INTS7: variants seen among roughly 807,000 people sequenced by gnomAD.
INTS7 encodes the protein chromosome 1 open reading frame 73.
Under a neutral mutation model 109.2 loss-of-function variants are expected in INTS7, and 46 were observed. That is an observed-to-expected ratio of 0.42 (90% CI 0.33 to 0.54). The LOEUF (loss-of-function observed/expected upper bound fraction) is 0.54. Among genes scored for constraint, INTS7 ranks in the 20% least tolerant of loss-of-function variants. INTS7 has a pLI of 0.07. For synonymous variants in INTS7, 412 were observed against 402.9 expected (o/e 1.02, Z -0.27); for missense variants, 929 against 1,132.4 (o/e 0.82, Z 2.58).
intron 7 of INTS7, among the ~76,000 whole-genome samples, chr1:211,988,390 C>A (rs1280859095): frequency 2.0e-5 from 3 of 151,254 alleles, no homozygotes; most frequent in Non-Finnish European, 4.4e-5. Flanking sequence ...CCACTGCACT[C>A]CAGCCTGGGG....
chr1:211,947,053 A>G (rs927741259), intron 17 of INTS7, among the ~76,000 whole-genome samples: 5 of 152,222 alleles, frequency 3.3e-5, no homozygotes, highest in African/African-American at 1.2e-4. Flanking sequence ...TAACTATCAC[A>G]TGGCAAAGTA....
At chr1:211,992,224 C>T (rs1169067228) in intron 7 of INTS7, among the ~76,000 whole-genome samples, 4 of 151,972 alleles carry the variant, frequency 2.6e-5, no homozygotes, top group African/African-American at 9.7e-5. Flanking sequence ...GAACTATGTT[C>T]TATATTTATA....
At chr1:212,005,556 TAAG>T (rs1210881610) in intron 7 of INTS7, among the ~76,000 whole-genome samples, 1 of 152,184 alleles carries the variant, frequency 6.6e-6, no homozygotes, top group Non-Finnish European at 1.5e-5. Context: ...TATCTCACAA[TAAG>T]AAAAAAATGA....
At chr1:212,023,756 T>C (rs1571916652) in intron 1 of INTS7, among the ~76,000 whole-genome samples, 1 of 152,354 alleles carries the variant, frequency 6.6e-6, no homozygotes, top group East Asian at 1.9e-4. Flanking sequence ...TAGGTCCCAC[T>C]TGTCCATTTT....
intron 13 of INTS7, among the ~76,000 whole-genome samples, chr1:211,974,276 A>AATATAT (rs58474002): frequency 8.9e-4 from 82 of 92,334 alleles, no homozygotes; most frequent in East Asian, 3.1e-3. Context: ...AGAAAAAAAA[A>AATATAT]ATATATATAT....
rs746811976 is a variant in INTS7, at chr1:211,941,922, G to C, written c.2791C>G (p.Leu931Val). ...ATTTGCTGGGAATAAGGGTCTTCCA[G>C]GGATTTTACAAATATGGTAGTTCTG... Reference protein sequence around the residue: ...GPRTTIFVKSLEDPYSQQIRL... With the variant: ...GPRTTIFVKSVEDPYSQQIRL... The change falls in exon 20 of 20, where the codon CTG becomes GTG. Residue 931 changes from leucine to valine, a missense_variant. Coordinates refer to ENST00000366994, the MANE Select transcript of INTS7 (RefSeq NM_015434.4). The C allele has an allele frequency of 1.9e-6, 3 of 1,614,056 alleles. No homozygotes were observed. Among genetic ancestry groups the C allele is most frequent in the Non-Finnish European group, 2.5e-6 (3 of 1,180,046 alleles).
In INTS7 at chr1:211,976,660, C is replaced by T; in HGVS notation, c.1530G>A (p.Lys510=). The T allele has an allele frequency of 6.2e-7, 1 of 1,613,856 alleles. No individual in the cohort carries two copies. Among genetic ancestry groups the T allele is most frequent in the South Asian group, 1.1e-5 (1 of 91,076 alleles). The change falls in exon 12 of 20, where the codon AAG becomes AAA. Residue 510 remains lysine, a synonymous_variant. Coordinates refer to ENST00000366994, the MANE Select transcript of INTS7 (RefSeq NM_015434.4). ...TTTCAAGCTGCTGCTTAATTACTGC[C>T]TTACTTTCCACAGACAATGCCTTCT... ...ASQKALSVES[K]AVIKQQLESV...
At chr1:211,947,385 A>C (rs993952501) in intron 17 of INTS7, among the ~76,000 whole-genome samples, 1 of 152,224 alleles carries the variant, frequency 6.6e-6, no homozygotes, top group Non-Finnish European at 1.5e-5. Flanking sequence ...TTAAGCGTTC[A>C]AAGATATTTT....
intron 19 of INTS7, among the ~76,000 whole-genome samples, chr1:211,943,487 T>C (rs776131624): frequency 1.2e-4 from 19 of 152,324 alleles, no homozygotes; most frequent in Non-Finnish European, 2.6e-4. Context: ...TGACAGCAGA[T>C]ACCCAATTTT....
At chr1:212,017,106 T>G in intron 3 of INTS7, 83 bp from the exon 4 acceptor site, 1 of 1,105,278 alleles carries the variant, frequency 9.0e-7, no homozygotes, top group Non-Finnish European at 1.3e-6. Flanking sequence ...AAAGTCAGAT[T>G]ATCAAAACTA....
rs1666166856 is a variant in INTS7 at position 212,011,533 on chromosome 1, G to A, written c.510-112C>T. The A allele has an allele frequency of 7.2e-6, 5 of 690,534 alleles. No homozygotes were observed. In the Admixed American group the frequency reaches 1.4e-4, roughly 20 times the overall value. 42.8% of individuals were successfully genotyped at this position (690,534 alleles called of 1,614,324 possible). A position where few individuals can be genotyped will look rare whatever the true frequency, so the allele number is the denominator to read the frequency against. ...CAGAAGAAATACAATATTCCAAACT[G>A]CAACTAATATTCCAAGGTCAGGTGC... On this transcript the variant is annotated intron_variant, in intron 4 of 19. Transcript: ENST00000366994.
chr1:211,981,305 G>T, intron 9 of INTS7, 115 bp from the exon 10 acceptor site: 1 of 565,798 alleles, frequency 1.8e-6, no homozygotes, highest in East Asian at 3.0e-5. Context: ...AAGATATAGG[G>T]AATTATTAAA....
At chr1:212,008,412 G>A (rs1331606121) in intron 5 of INTS7, among the ~76,000 whole-genome samples, 4 of 151,930 alleles carry the variant, frequency 2.6e-5, no homozygotes, top group Non-Finnish European at 5.9e-5. Context: ...CTCTTTCTCT[G>A]GCTGTTCCTT....
At position 211,975,107 on chromosome 1, in the gene INTS7, AG is replaced by A. The variant is rs570595072; in HGVS notation, c.1815+58del. ...AGTTGAAATAGGACAATCCAAAAAG[AG>A]AAGGGAGAGAACTCTCACATAAATC... is the stretch of plus-strand genomic sequence containing the variant. On this transcript the variant is annotated intron_variant, in intron 13 of 19. Transcript: ENST00000366994. 115 of 1,193,080 alleles carry A rather than the reference AG, an allele frequency of 9.6e-5. No homozygotes were observed. In the East Asian group the frequency reaches 2.2e-3, roughly 22 times the overall value. 73.9% of individuals were successfully genotyped at this position (1,193,080 alleles called of 1,614,324 possible).
intron 13 of INTS7, among the ~76,000 whole-genome samples, chr1:211,974,308 T>TAA (rs1553249501): frequency 5.6e-4 from 81 of 143,728 alleles, no homozygotes; most frequent in East Asian, 1.6e-3. Context: ...TATATATATA[T>TAA]AAAATACTTC....
At chr1:211,962,577 T>C (rs901602030) in intron 16 of INTS7, among the ~76,000 whole-genome samples, 102 of 152,132 alleles carry the variant, frequency 6.7e-4, no homozygotes, top group African/African-American at 2.3e-3. Context: ...GAATATACAT[T>C]GTTCTCATCA....
At chr1:211,975,823 G>C (rs756479432) in intron 12 of INTS7, among the ~76,000 whole-genome samples, 1 of 152,190 alleles carries the variant, frequency 6.6e-6, no homozygotes, top group Non-Finnish European at 1.5e-5. Context: ...GGACAGAACA[G>C]TATAATGAAG....
chr1:212,032,328 C>G (rs1667202134), intron 1 of INTS7, among the ~76,000 whole-genome samples: 1 of 152,176 alleles, frequency 6.6e-6, no homozygotes, highest in African/African-American at 2.4e-5. Context: ...AGTCTATTCT[C>G]AGCACAGTAG....
chr1:212,011,333 T>C, intron 5 of INTS7, 42 bp downstream of exon 5: 2 of 1,059,774 alleles, frequency 1.9e-6, no homozygotes, highest in Non-Finnish European at 2.8e-6. Flanking sequence ...CTATTATAAA[T>C]CTAATTAAGT....
Sources: allele counts gnomAD v4.1 joint callset (sites outside exome capture counted in the v4.1 genomes callset), GRCh38; gene constraint gnomAD v4.1.1; transcripts MANE v1.5; gene names NCBI Gene and HGNC (gene_info 2026-07-23, HGNC 2026-07-21).